The following KLRG1 variants were observed in gnomAD, a reference collection of about 807,000 sequenced individuals.
KLRG1 encodes killer cell lectin like receptor G1, also known as killer cell lectin-like receptor subfamily G member 1.
KLRG1 carries 16 observed loss-of-function variants against 21.8 expected under a neutral mutation model. The observed-to-expected ratio is 0.73, with a 90% CI of 0.50 to 1.11. The LOEUF (loss-of-function observed/expected upper bound fraction) is 1.11. Among genes scored for constraint, KLRG1 ranks in the 50% most tolerant of loss-of-function variants. The probability of loss-of-function intolerance (pLI) is 0.00; values close to 1 mark genes in which losing one functional copy is unlikely to be tolerated. For synonymous variants in KLRG1, 69 were observed against 75.9 expected, an observed-to-expected ratio of 0.91 and a Z score of 0.47; for missense variants, 173 against 218.3, an observed-to-expected ratio of 0.79 and a Z score of 1.31.
At chr12:8,996,644 A>G (rs1413650413) in intron 3 of KLRG1, 4 of 152,126 alleles carry the variant, frequency 2.6e-5, no homozygotes, top group Non-Finnish European at 5.9e-5. Flanking sequence ...AATTCCACAT[A>G]GAATCTAAAC....
chr12:9,133,332 G>C, the KLRG1 span, among the ~76,000 whole-genome samples: 1 of 152,204 alleles, frequency 6.6e-6, no homozygotes, highest in African/African-American at 2.4e-5. Flanking sequence ...AAGCAATCAA[G>C]TGGAGAGATG....
At chr12:8,962,035 G>A (rs7961355) in intron 1 of KLRG1, among the ~76,000 whole-genome samples, 122,184 of 151,970 alleles carry the variant, frequency 0.8, 49,532 homozygotes, top group Admixed American at 0.84. Flanking sequence ...ATAGTGAGCT[G>A]TGATCCTGCC....
At chr12:9,095,145 A>G in the KLRG1 span, 1 of 865,432 alleles carries the variant, frequency 1.2e-6, no homozygotes, top group Non-Finnish European at 1.7e-6. Flanking sequence ...ATAGGTAGCT[A>G]CTTCTTTTTA....
chr12:9,067,678 T>C, the KLRG1 span: 1 of 755,626 alleles, frequency 1.3e-6, no homozygotes, highest in South Asian at 1.5e-5. Flanking sequence ...TGTACAATGA[T>C]ATTTATTGAA....
the KLRG1 span, chr12:9,181,195 T>A: frequency 1.2e-5 from 20 of 1,604,428 alleles, no homozygotes; most frequent in African/African-American, 2.7e-5. Flanking sequence ...TGCAGTCACC[T>A]GCATTTCCTA....
At chr12:8,978,656 CTTTCTTTCT>C (rs1565541222) in intron 1 of KLRG1, among the ~76,000 whole-genome samples, 103 of 147,508 alleles carry the variant, frequency 7.0e-4, no homozygotes, top group South Asian at 1.5e-3. Context: ...TTCTTTCTTT[CTTTCTTTCT>C]TTCTTTCTTT....
At chr12:9,042,614 T>G in the KLRG1 span, among the ~76,000 whole-genome samples, 1 of 152,222 alleles carries the variant, frequency 6.6e-6, no homozygotes, top group Non-Finnish European at 1.5e-5. Context: ...GGGACCTGTC[T>G]TATGATTTAT....
intron 3 of KLRG1, among the ~76,000 whole-genome samples, chr12:9,005,245 C>G (rs1947436824): frequency 6.6e-6 from 1 of 152,070 alleles, no homozygotes; most frequent in African/African-American, 2.4e-5. Context: ...AGAGAAATAC[C>G]TAATGTAGGT....
intron 1 of KLRG1, among the ~76,000 whole-genome samples, chr12:8,979,558 C>T (rs1946720504): frequency 6.6e-6 from 1 of 152,056 alleles, no homozygotes; most frequent in Admixed American, 6.6e-5. Context: ...TTATGTTTAA[C>T]CTACTTGGAA....
the KLRG1 span, among the ~76,000 whole-genome samples, chr12:9,166,613 G>A: frequency 0.039 from 5,868 of 152,168 alleles, 393 homozygotes; most frequent in African/African-American, 0.13. Context: ...CCAGTGGAGT[G>A]AACAGAATTT....
chr12:9,018,767 C>T, the KLRG1 span, among the ~76,000 whole-genome samples: 1 of 150,206 alleles, frequency 6.7e-6, no homozygotes, highest in Non-Finnish European at 1.5e-5. Flanking sequence ...TCTTGATATA[C>T]AAAAATTAAA....
the KLRG1 span, chr12:9,076,756 CT>C: frequency 6.2e-7 from 1 of 1,613,900 alleles, no homozygotes; most frequent in Non-Finnish European, 8.5e-7. Context: ...GTGCTCTCAC[CT>C]TTCTTCACAG....
At chr12:9,100,960 C>T in the KLRG1 span, among the ~76,000 whole-genome samples, 2 of 152,082 alleles carry the variant, frequency 1.3e-5, no homozygotes, top group Non-Finnish European at 2.9e-5. Flanking sequence ...GTATACTGCT[C>T]GGGTGATGGG....
chr12:8,967,265 A>G lies in KLRG1; in HGVS notation c.-156+17029A>G, dbSNP rs192081982. The stretch of plus-strand genomic sequence containing the variant: ...ACGATTTAATGGGTGCAGCACACCA[A>G]CATGGCACATGTATACATATGTAAC... On this transcript the variant is annotated intron_variant, in intron 1 of 4. Coordinates refer to the KLRG1 transcript ENST00000539240. Among the ~76,000 whole-genome samples, 1,011 of 152,018 alleles carry G rather than the reference A, an allele frequency of 6.7e-3. 21 individuals carry two copies. The highest frequency in any genetic ancestry group is 0.023 in the African/African-American group (957 of 41,458).
At chr12:8,985,060 C>A, upstream of KLRG1, among the ~76,000 whole-genome samples, 1 of 152,144 alleles carries the variant, frequency 6.6e-6, no homozygotes. Context: ...TTGAATTTTA[C>A]CAGTTTTCCA....
chr12:9,154,123 C>T, the KLRG1 span, among the ~76,000 whole-genome samples: 1 of 152,146 alleles, frequency 6.6e-6, no homozygotes, highest in African/African-American at 2.4e-5. Flanking sequence ...TTGGGGAATA[C>T]ATCTTAGAGG....
chr12:9,124,547 C>T, the KLRG1 span, among the ~76,000 whole-genome samples: 1 of 152,258 alleles, frequency 6.6e-6, no homozygotes, highest in Admixed American at 6.5e-5. Flanking sequence ...GAGCCCGGGA[C>T]AAGCGGGAGA....
chr12:9,172,661 A>T, the KLRG1 span, among the ~76,000 whole-genome samples: 3 of 152,234 alleles, frequency 2.0e-5, no homozygotes, highest in Non-Finnish European at 4.4e-5. Context: ...GCAAATGGAA[A>T]ACAGAAAAAA....
At chr12:9,131,723 A>G in the KLRG1 span, among the ~76,000 whole-genome samples, 2 of 151,890 alleles carry the variant, frequency 1.3e-5, no homozygotes, top group African/African-American at 4.8e-5. Flanking sequence ...ACGTTTATAT[A>G]TTTGTGTTTT....
Sources: allele counts gnomAD v4.1 joint callset (sites outside exome capture counted in the v4.1 genomes callset), GRCh38; gene constraint gnomAD v4.1.1; transcripts MANE v1.5; gene names NCBI Gene and HGNC (gene_info 2026-07-23, HGNC 2026-07-21).